Variants in INPP4B observed in about 807,000 individuals in gnomAD.
INPP4B encodes the protein inositol polyphosphate 4-phosphatase type II.
INPP4B carries 55 observed loss-of-function variants against 122.5 expected under a neutral mutation model. The observed-to-expected ratio is 0.45, with a 90% CI of 0.36 to 0.56. The LOEUF (loss-of-function observed/expected upper bound fraction) is 0.56, where lower values mean the gene tolerates loss of function less well. Among genes scored for constraint, INPP4B ranks in the 20% least tolerant of loss-of-function variants. INPP4B has a pLI of 0.00. For missense variants in INPP4B, 1,000 were observed against 1,097.7 expected (o/e 0.91, Z 1.26); for synonymous variants, 403 against 388.7 (o/e 1.04, Z -0.43).
chr4:142,030,032 C>T (rs1169896137), intron 25 of INPP4B: 3 of 1,370,432 alleles, frequency 2.2e-6, no homozygotes, highest in African/African-American at 2.9e-5. Context: ...TTTTTAAATT[C>T]TGTGAATTTG....
chr4:142,743,723 C>A (rs1580817490), intron 1 of INPP4B, among the ~76,000 whole-genome samples: 1 of 151,780 alleles, frequency 6.6e-6, no homozygotes, highest in South Asian at 2.1e-4. Context: ...AAGCTTAAAG[C>A]TAAATCTTGA....
At chr4:142,829,575 G>GA (rs201273410) in intron 1 of INPP4B, among the ~76,000 whole-genome samples, 2,796 of 149,852 alleles carry the variant, frequency 0.019, 83 homozygotes, top group African/African-American at 0.064. Flanking sequence ...ATCCTAACCA[G>GA]AAAAAAAAAG....
At chr4:142,220,926 C>T (rs576062107) in intron 12 of INPP4B, among the ~76,000 whole-genome samples, 1 of 152,154 alleles carries the variant, frequency 6.6e-6, no homozygotes, top group South Asian at 2.1e-4. Flanking sequence ...TAGGGCCCAC[C>T]CTAATGGCCT....
intron 7 of INPP4B, among the ~76,000 whole-genome samples, chr4:142,353,420 G>C (rs945807873): frequency 1.2e-4 from 18 of 151,942 alleles, no homozygotes; most frequent in Non-Finnish European, 7.4e-5. Context: ...CAGATTCCAG[G>C]ACATTGATTG....
intron 5 of INPP4B, among the ~76,000 whole-genome samples, chr4:142,408,207 G>A (rs950184157): frequency 4.0e-5 from 6 of 151,796 alleles, no homozygotes; most frequent in Non-Finnish European, 8.8e-5. Flanking sequence ...AATCTAATCC[G>A]TATGAGAATT....
chr4:142,388,658 T>C (rs1258611933), intron 7 of INPP4B, among the ~76,000 whole-genome samples: 4 of 152,220 alleles, frequency 2.6e-5, no homozygotes, highest in Admixed American at 2.6e-4. Flanking sequence ...TATTAGAGAT[T>C]GCTTTGCATT....
At chr4:142,313,972 T>G (rs555170328) in intron 8 of INPP4B, among the ~76,000 whole-genome samples, 17 of 152,300 alleles carry the variant, frequency 1.1e-4, no homozygotes, top group African/African-American at 4.1e-4. Flanking sequence ...ACACACTGAC[T>G]GGAAGAAGGT....
At chr4:142,624,037 A>G (rs548711702) in intron 2 of INPP4B, among the ~76,000 whole-genome samples, 190 of 152,066 alleles carry the variant, frequency 1.2e-3, no homozygotes, top group African/African-American at 4.5e-3. Flanking sequence ...ATACGTGTGC[A>G]TGTGTCTTTA....
chr4:142,381,004 T>A (rs1012551055), intron 7 of INPP4B, among the ~76,000 whole-genome samples: 3 of 152,148 alleles, frequency 2.0e-5, no homozygotes, highest in Non-Finnish European at 4.4e-5. Flanking sequence ...ATTCACACAT[T>A]CCCCTACTGA....
intron 2 of INPP4B, among the ~76,000 whole-genome samples, chr4:142,619,752 C>A (rs1280286344): frequency 6.6e-6 from 1 of 151,866 alleles, no homozygotes. Context: ...GAGGGCAGAT[C>A]TCATGTTAAG....
chr4:142,751,336 TGGAGAG>T (rs901947372), intron 1 of INPP4B, among the ~76,000 whole-genome samples: 2 of 149,352 alleles, frequency 1.3e-5, no homozygotes, highest in African/African-American at 4.9e-5. Flanking sequence ...ACCTCAAGTA[TGGAGAG>T]GGAGTGTTAA....
At chr4:142,171,601 T>A (rs906097679) in intron 16 of INPP4B, among the ~76,000 whole-genome samples, 1 of 151,872 alleles carries the variant, frequency 6.6e-6, no homozygotes, top group African/African-American at 2.4e-5. Flanking sequence ...ATACTAACAG[T>A]GCTCATAGAC....
intron 2 of INPP4B, among the ~76,000 whole-genome samples, chr4:142,477,819 T>G (rs746508607): frequency 1.4e-4 from 21 of 152,134 alleles, no homozygotes; most frequent in Non-Finnish European, 2.9e-4. Flanking sequence ...CAGGACCAGA[T>G]GGATTCACAG....
At chr4:142,469,552 T>A (rs1202195844) in intron 2 of INPP4B, among the ~76,000 whole-genome samples, 1 of 152,142 alleles carries the variant, frequency 6.6e-6, no homozygotes, top group Admixed American at 6.5e-5. Context: ...AAGAATATTC[T>A]GAATATTAAT....
chr4:142,247,660 G>T (rs1214552083), intron 11 of INPP4B, among the ~76,000 whole-genome samples: 1 of 151,856 alleles, frequency 6.6e-6, no homozygotes, highest in Non-Finnish European at 1.5e-5. Flanking sequence ...TTTTTATTGT[G>T]CCTATTTGAT....
intron 2 of INPP4B, among the ~76,000 whole-genome samples, chr4:142,523,358 G>A (rs1475184028): frequency 3.3e-5 from 5 of 152,054 alleles, no homozygotes; most frequent in Admixed American, 3.3e-4. Context: ...TGAGACACAA[G>A]GTGAACATGA....
intron 23 of INPP4B, among the ~76,000 whole-genome samples, chr4:142,097,309 C>T (rs1285769998): frequency 6.7e-6 from 1 of 149,332 alleles, no homozygotes; most frequent in African/African-American, 2.5e-5. Context: ...GGCTGGAGTG[C>T]AATGGCGTGA....
chr4:142,651,637 C>T (rs1050265012), intron 2 of INPP4B, among the ~76,000 whole-genome samples: 8 of 152,218 alleles, frequency 5.3e-5, no homozygotes, highest in African/African-American at 1.9e-4. Context: ...TGGATAAGTT[C>T]CTGGACACAT....
In INPP4B at chr4:142,616,263, G is replaced by A. The variant is rs894475097; in HGVS notation, c.-191+109576C>T. On this transcript the variant is annotated intron_variant, in intron 2 of 25. Coordinates refer to ENST00000262992, the MANE Select transcript of INPP4B (RefSeq NM_001101669.3). ...CTTCTTTGGTAGTTTATCTTTCCCA[G>A]TTATTTGATGAGATTCCTAGAGAGG... Among the ~76,000 whole-genome samples the A allele has an allele frequency of 1.1e-4, 17 of 152,204 alleles. No homozygotes were observed. In the East Asian group the frequency reaches 3.3e-3, roughly 30 times the overall value.
Sources: gnomAD v4.1 joint callset for allele counts (sites outside exome capture counted in the v4.1 genomes callset) on GRCh38, gnomAD v4.1.1 for gene constraint, MANE v1.5 for transcripts, NCBI Gene and HGNC (gene_info 2026-07-23, HGNC 2026-07-21) for gene names.